Variants in KIAA1217 observed in about 807,000 individuals in gnomAD.
KIAA1217 encodes sickle tail protein homolog.
A neutral mutation model predicts 163.9 loss-of-function variants in KIAA1217; 88 were observed. The ratio of observed to expected loss-of-function variants is 0.54; its 90% confidence interval spans 0.45 to 0.64. KIAA1217 has a LOEUF of 0.64. Among genes scored for constraint, KIAA1217 ranks in the 30% least tolerant of loss-of-function variants. KIAA1217 has a pLI of 0.00. For synonymous variants in KIAA1217, 903 were observed against 923.1 expected (o/e 0.98, Z 0.39); for missense variants, 2,372 against 2,475.0 (o/e 0.96, Z 0.88).
intron 1 of KIAA1217, among the ~76,000 whole-genome samples, chr10:23,971,526 C>T (rs750713046): frequency 1.3e-5 from 2 of 152,188 alleles, no homozygotes; most frequent in African/African-American, 2.4e-5. Context: ...ACTATACCTT[C>T]CTTCCCTTGG....
intron 2 of KIAA1217, among the ~76,000 whole-genome samples, chr10:24,310,589 G>C (rs575913351): frequency 2.0e-5 from 3 of 152,274 alleles, no homozygotes; most frequent in African/African-American, 7.2e-5. Flanking sequence ...CCCATCTCTA[G>C]CCTCTACATT....
At position 24,433,018 on chromosome 10, in the gene KIAA1217, G is replaced by T; in HGVS notation, c.577G>T (p.Asp193Tyr). 1 of 1,614,124 alleles carries T rather than the reference G, an allele frequency of 6.2e-7. No homozygotes were observed. The highest frequency in any genetic ancestry group is 2.2e-5 in the East Asian group (1 of 44,844). ...AGGGGTTCTCTATCTCCAGTATGGA[G>T]ATGAAACCAAGCAGCTCAGGATGCC... ...SLGVLYLQYG[D>Y]ETKQLRMPNE... Residue 193 changes from aspartate (D) to tyrosine (Y), a missense_variant, in exon 4 of 21, where the codon GAT (aspartate) becomes TAT (tyrosine). Asp to Tyr is a radical substitution (Grantham distance 160). Coordinates refer to ENST00000376454, the MANE Select transcript of KIAA1217 (RefSeq NM_019590.5).
chr10:24,085,097 G>T (rs1013756366), intron 2 of KIAA1217, among the ~76,000 whole-genome samples: 1 of 151,944 alleles, frequency 6.6e-6, no homozygotes, highest in East Asian at 1.9e-4. Context: ...TGTATTTTTA[G>T]TAGAGACGGC....
At chr10:24,489,636 G>T (rs1389162903) in intron 6 of KIAA1217, among the ~76,000 whole-genome samples, 1 of 151,778 alleles carries the variant, frequency 6.6e-6, no homozygotes, top group Admixed American at 6.6e-5. Flanking sequence ...TTGGGAGGCC[G>T]ATCTCGCTTG....
intron 1 of KIAA1217, among the ~76,000 whole-genome samples, chr10:23,795,266 A>T (rs73604421): frequency 0.018 from 2,793 of 152,260 alleles, 77 homozygotes; most frequent in African/African-American, 0.063. Flanking sequence ...CTAAAGAAAC[A>T]AATTCCCTCC....
intron 12 of KIAA1217, among the ~76,000 whole-genome samples, chr10:24,522,660 A>T (rs2071461926): frequency 6.6e-6 from 1 of 152,200 alleles, no homozygotes; most frequent in Non-Finnish European, 1.5e-5. Context: ...AGGACTCCAC[A>T]CTCACTGAAA....
chr10:24,117,053 G>T (rs373206566), intron 2 of KIAA1217, among the ~76,000 whole-genome samples: 122 of 151,514 alleles, frequency 8.1e-4, no homozygotes, highest in African/African-American at 2.9e-3. Context: ...TTTGGGTGGG[G>T]GGGGATGGAG....
intron 2 of KIAA1217, among the ~76,000 whole-genome samples, chr10:24,117,503 G>T: frequency 6.6e-6 from 1 of 152,014 alleles, no homozygotes; most frequent in Non-Finnish European, 1.5e-5. Flanking sequence ...TGGTGAGTGT[G>T]CCTGTAGTCC....
intron 2 of KIAA1217, among the ~76,000 whole-genome samples, chr10:24,173,462 T>C (rs1036395415): frequency 6.6e-6 from 1 of 152,118 alleles, no homozygotes; most frequent in Admixed American, 6.6e-5. Context: ...CCCCTGACCC[T>C]CGTCTGTGTA....
At chr10:24,484,247 T>A (rs1331579402) in intron 6 of KIAA1217, among the ~76,000 whole-genome samples, 1,410 of 95,250 alleles carry the variant, frequency 0.015, 25 homozygotes, top group African/African-American at 0.058. Context: ...ATATATTTTT[T>A]TTTTTTTTTT....
At chr10:24,014,231 C>G (rs928952172) in intron 2 of KIAA1217, among the ~76,000 whole-genome samples, 5 of 152,108 alleles carry the variant, frequency 3.3e-5, no homozygotes, top group African/African-American at 1.2e-4. Flanking sequence ...ATAAAGGGTA[C>G]TTCATGCACT....
intron 1 of KIAA1217, among the ~76,000 whole-genome samples, chr10:23,747,462 A>G (rs1217220218): frequency 1.3e-5 from 2 of 152,152 alleles, no homozygotes; most frequent in Non-Finnish European, 2.9e-5. Context: ...AAGTCCAGGC[A>G]ACAGAGAACA....
intron 5 of KIAA1217, among the ~76,000 whole-genome samples, chr10:24,439,783 C>A (rs1291068719): frequency 6.6e-6 from 1 of 152,044 alleles, no homozygotes. Flanking sequence ...CTAACCCTCC[C>A]ATGTCCACTT....
chr10:24,103,024 C>G (rs1028861811), intron 2 of KIAA1217, among the ~76,000 whole-genome samples: 4 of 152,130 alleles, frequency 2.6e-5, no homozygotes, highest in African/African-American at 9.7e-5. Context: ...GTGACTTTGC[C>G]CCTCATTCAC....
At chr10:23,956,873 G>A (rs1589140382) in intron 1 of KIAA1217, among the ~76,000 whole-genome samples, 1 of 152,026 alleles carries the variant, frequency 6.6e-6, no homozygotes, top group Admixed American at 6.6e-5. Flanking sequence ...ATTCATGAAG[G>A]ATCCATCCCC....
At chr10:24,485,116 A>G (rs1201195583) in intron 6 of KIAA1217, among the ~76,000 whole-genome samples, 1 of 147,524 alleles carries the variant, frequency 6.8e-6, no homozygotes, top group Non-Finnish European at 1.5e-5. Flanking sequence ...TAATAGCTTC[A>G]TTCAAGATCA....
At chr10:23,825,067 T>G (rs1183048561) in intron 1 of KIAA1217, among the ~76,000 whole-genome samples, 1 of 152,200 alleles carries the variant, frequency 6.6e-6, no homozygotes, top group Non-Finnish European at 1.5e-5. Context: ...AATTTATCAG[T>G]GACTGACTGA....
chr10:24,073,957 T>A (rs926959033), intron 2 of KIAA1217, among the ~76,000 whole-genome samples: 1 of 152,012 alleles, frequency 6.6e-6, no homozygotes, highest in African/African-American at 2.4e-5. Context: ...CTCTCCGATC[T>A]GGGGATACAT....
intron 2 of KIAA1217, among the ~76,000 whole-genome samples, chr10:24,310,736 C>T (rs1310857808): frequency 6.6e-6 from 1 of 152,106 alleles, no homozygotes; most frequent in Non-Finnish European, 1.5e-5. Flanking sequence ...GTGTCTCATG[C>T]CTGTAATCCC....
Sources: allele counts gnomAD v4.1 joint callset (sites outside exome capture counted in the v4.1 genomes callset), GRCh38; gene constraint gnomAD v4.1.1; transcripts MANE v1.5; gene names NCBI Gene and HGNC (gene_info 2026-07-23, HGNC 2026-07-21).